CTNNA2: variants seen among roughly 807,000 people sequenced by gnomAD.
CTNNA2 encodes the protein catenin alpha 2.
CTNNA2 carries 42 observed loss-of-function variants against 101.0 expected under a neutral mutation model. That is an observed-to-expected ratio of 0.42 (90% CI 0.32 to 0.54). The LOEUF (loss-of-function observed/expected upper bound fraction) is 0.54, where lower values mean the gene tolerates loss of function less well. Ranked by LOEUF, CTNNA2 falls within the 20% of genes least tolerant of loss-of-function variation. The probability of loss-of-function intolerance (pLI) is 0.14; values close to 1 mark genes in which losing one functional copy is unlikely to be tolerated. For synonymous variants in CTNNA2, 450 were observed against 456.4 expected (o/e 0.99, Z 0.18); for missense variants, 871 against 1,223.1 (o/e 0.71, Z 4.29).
chr2:80,240,660 T>G lies in CTNNA2; in HGVS notation c.1057-152551T>G, dbSNP rs146717090. 6.2e-3 allele frequency among the ~76,000 whole-genome samples: 947 copies of G among 151,958 alleles called. 10 individuals are homozygous for G. Among genetic ancestry groups the G allele is most frequent in the Middle Eastern group, 0.02 (6 of 294 alleles). On this transcript the variant is annotated intron_variant, in intron 7 of 18. Coordinates refer to ENST00000402739, the MANE Select transcript of CTNNA2 (RefSeq NM_001282597.3). Reference sequence around the variant, plus strand: ...AAATTCTCTCTGTTACATGATTCTGTTTTTTTTGCTCCTTCATCATTAATA... The same window carrying G: ...AAATTCTCTCTGTTACATGATTCTGGTTTTTTTGCTCCTTCATCATTAATA...
intron 1 of CTNNA2, chr2:79,547,172 G>C (rs929601958): frequency 6.6e-6 from 1 of 152,044 alleles, no homozygotes; most frequent in South Asian, 2.1e-4. Context: ...ATGACTCTTT[G>C]ATGCAAAATA....
At chr2:79,271,137 T>C (rs146083903) in intron 2 of CTNNA2, among the ~76,000 whole-genome samples, 1 of 151,906 alleles carries the variant, frequency 6.6e-6, no homozygotes, top group African/African-American at 2.4e-5. Context: ...AAGAAAATTT[T>C]CTGTGAATAA....
chr2:79,739,775 G>T (rs936488684), intron 2 of CTNNA2, among the ~76,000 whole-genome samples: 3 of 152,240 alleles, frequency 2.0e-5, no homozygotes, highest in Non-Finnish European at 4.4e-5. Context: ...CCACCTTGTG[G>T]CTCCCACCTT....
intron 7 of CTNNA2, among the ~76,000 whole-genome samples, chr2:80,033,742 T>C (rs1695458376): frequency 6.6e-6 from 1 of 152,136 alleles, no homozygotes; most frequent in African/African-American, 2.4e-5. Flanking sequence ...ACTGCAAGCT[T>C]CTATGAATAC....
intron 6 of CTNNA2, among the ~76,000 whole-genome samples, chr2:79,877,701 T>C (rs1018007343): frequency 3.3e-5 from 5 of 152,242 alleles, no homozygotes; most frequent in Admixed American, 2.6e-4. Flanking sequence ...CAAAATCTCT[T>C]ACTGATACTT....
At chr2:80,585,358 T>A (rs1309223422) in intron 14 of CTNNA2, among the ~76,000 whole-genome samples, 1 of 152,160 alleles carries the variant, frequency 6.6e-6, no homozygotes, top group Non-Finnish European at 1.5e-5. Flanking sequence ...TGGGAGGGAC[T>A]CTGGGGTAGG....
chr2:79,437,288 T>C (rs1262737984), intron 4 of CTNNA2, among the ~76,000 whole-genome samples: 1 of 152,034 alleles, frequency 6.6e-6, no homozygotes, highest in Non-Finnish European at 1.5e-5. Context: ...TATTTGTATA[T>C]TCTTAAGAAG....
chr2:79,365,622 TAA>T (rs777443385), intron 3 of CTNNA2, among the ~76,000 whole-genome samples: 4 of 90,334 alleles, frequency 4.4e-5, no homozygotes, highest in Non-Finnish European at 4.5e-5. Flanking sequence ...AGGCCCTGTC[TAA>T]AAAAAAAAAA....
chr2:80,181,852 C>G (rs546410240), intron 7 of CTNNA2, among the ~76,000 whole-genome samples: 2 of 152,266 alleles, frequency 1.3e-5, no homozygotes, highest in East Asian at 3.9e-4. Flanking sequence ...TCAGTGTTCT[C>G]CATGCTATTA....
chr2:80,043,774 A>G (rs1696338998), intron 7 of CTNNA2, among the ~76,000 whole-genome samples: 1 of 152,188 alleles, frequency 6.6e-6, no homozygotes, highest in Non-Finnish European at 1.5e-5. Flanking sequence ...ACACTGGTGG[A>G]AGAGAAGGTC....
At chr2:80,559,049 C>A (rs1031511982) in intron 12 of CTNNA2, among the ~76,000 whole-genome samples, 2 of 152,126 alleles carry the variant, frequency 1.3e-5, no homozygotes, top group African/African-American at 2.4e-5. Flanking sequence ...TCTCTTTCTT[C>A]TACATGCCAA....
chr2:79,366,769 T>C (rs549597222), intron 3 of CTNNA2, among the ~76,000 whole-genome samples: 52 of 152,382 alleles, frequency 3.4e-4, no homozygotes, highest in African/African-American at 1.2e-3. Context: ...TGCCTTGGAC[T>C]AACATCCATT....
intron 3 of CTNNA2, among the ~76,000 whole-genome samples, chr2:79,854,156 A>G (rs1307671744): frequency 1.3e-5 from 2 of 152,196 alleles, no homozygotes; most frequent in African/African-American, 2.4e-5. Flanking sequence ...TCTTCAAACA[A>G]TAAGTACTTT....
At chr2:79,684,419 T>C (rs1294787807) in intron 2 of CTNNA2, among the ~76,000 whole-genome samples, 2 of 152,180 alleles carry the variant, frequency 1.3e-5, no homozygotes, top group Non-Finnish European at 2.9e-5. Context: ...AAAACTGTAG[T>C]TTATTCTTAA....
intron 18 of CTNNA2, among the ~76,000 whole-genome samples, chr2:80,642,386 A>G (rs1479585781): frequency 2.0e-5 from 3 of 151,944 alleles, no homozygotes; most frequent in East Asian, 1.9e-4. Flanking sequence ...GTTTGTGTCT[A>G]TTTTTCTCAT....
At chr2:80,300,281 GGTGTGTGTGTGTGTGTGTGTGT>G (rs70940079) in intron 7 of CTNNA2, among the ~76,000 whole-genome samples, 7 of 93,108 alleles carry the variant, frequency 7.5e-5, no homozygotes, top group African/African-American at 1.3e-4. Flanking sequence ...GGGGTGTTGG[GGTGTGTGTGTGTGTGTGTGTGT>G]GTGTGTGTGT....
chr2:79,771,953 C>A (rs1202303358), intron 3 of CTNNA2, among the ~76,000 whole-genome samples: 1 of 152,138 alleles, frequency 6.6e-6, no homozygotes, highest in Non-Finnish European at 1.5e-5. Context: ...GTAACAATTT[C>A]ATATGTTTTG....
At chr2:79,316,055 C>G (rs1676489344) in intron 3 of CTNNA2, among the ~76,000 whole-genome samples, 1 of 151,848 alleles carries the variant, frequency 6.6e-6, no homozygotes, top group African/African-American at 2.4e-5. Context: ...AAGATTACTC[C>G]CAAGTTTTCC....
At chr2:79,634,572 G>C (rs1436836494) in intron 1 of CTNNA2, 1 of 152,184 alleles carries the variant, frequency 6.6e-6, no homozygotes, top group Non-Finnish European at 1.5e-5. Flanking sequence ...AAGAGAATGA[G>C]CCGAACAATT....
Sources: gnomAD v4.1 joint callset for allele counts (sites outside exome capture counted in the v4.1 genomes callset) on GRCh38, gnomAD v4.1.1 for gene constraint, MANE v1.5 for transcripts, NCBI Gene and HGNC (gene_info 2026-07-23, HGNC 2026-07-21) for gene names.